CSMD2: variants seen among roughly 807,000 people sequenced by gnomAD.
CSMD2 encodes the protein CUB and sushi domain-containing protein 2.
CSMD2 carries 130 observed loss-of-function variants against 398.5 expected under a neutral mutation model. That is an observed-to-expected ratio of 0.33 (90% CI 0.28 to 0.38). The LOEUF is 0.38. Ranked by LOEUF, CSMD2 falls within the 10% of genes least tolerant of loss-of-function variation. CSMD2 has a pLI of 1.00. For synonymous variants in CSMD2, 1,828 were observed against 1,908.5 expected (o/e 0.96, Z 1.10); for missense variants, 3,829 against 4,764.9 (o/e 0.80, Z 5.78).
chr1:33,768,535 C>CGT (rs1557864391), intron 13 of CSMD2, among the ~76,000 whole-genome samples: 86 of 114,624 alleles, frequency 7.5e-4, no homozygotes, highest in South Asian at 2.6e-3. Context: ...TGTGTGCGTG[C>CGT]ATGTGTGTGT....
chr1:33,618,932 C>T (rs2148864131), intron 37 of CSMD2, among the ~76,000 whole-genome samples: 1 of 152,228 alleles, frequency 6.6e-6, no homozygotes, highest in African/African-American at 2.4e-5. Context: ...GCTCTCCCTG[C>T]CTCCCCTCCT....
At chr1:34,037,720 C>T (rs1313651479) in intron 2 of CSMD2, among the ~76,000 whole-genome samples, 1 of 152,208 alleles carries the variant, frequency 6.6e-6, no homozygotes, top group African/African-American at 2.4e-5. Context: ...AAGCTCAAAC[C>T]TCACCAGGCC....
intron 13 of CSMD2, among the ~76,000 whole-genome samples, chr1:33,760,684 C>G (rs551736635): frequency 6.6e-6 from 1 of 152,204 alleles, no homozygotes; most frequent in East Asian, 1.9e-4. Context: ...GTTGTGAAGA[C>G]TCAACGCAAT....
intron 13 of CSMD2, among the ~76,000 whole-genome samples, chr1:33,753,695 G>A (rs898507011): frequency 4.6e-5 from 7 of 152,260 alleles, no homozygotes; most frequent in Non-Finnish European, 1.5e-5. Flanking sequence ...ACTCATGAGA[G>A]CAGCCACAAG....
chr1:33,905,638 AT>A (rs1228903448), intron 5 of CSMD2, among the ~76,000 whole-genome samples: 1 of 152,104 alleles, frequency 6.6e-6, no homozygotes, highest in Non-Finnish European at 1.5e-5. Context: ...TGCTGTTTTT[AT>A]TTTGATTTTA....
chr1:33,806,810 A>G (rs1386450299), intron 10 of CSMD2, among the ~76,000 whole-genome samples: 1 of 152,174 alleles, frequency 6.6e-6, no homozygotes, highest in Non-Finnish European at 1.5e-5. Context: ...GAGGCTGGAC[A>G]CAGCTGAACA....
chr1:33,872,485 G>C (rs970780718), intron 5 of CSMD2, among the ~76,000 whole-genome samples: 1 of 152,064 alleles, frequency 6.6e-6, no homozygotes, highest in Non-Finnish European at 1.5e-5. Flanking sequence ...AAGAGATTAG[G>C]GTAGGCCTCA....
chr1:34,142,449 G>A (rs1048492234), intron 1 of CSMD2, among the ~76,000 whole-genome samples: 4 of 152,122 alleles, frequency 2.6e-5, no homozygotes, highest in Admixed American at 1.3e-4. Flanking sequence ...CAAGCCCAGC[G>A]GAATTGGCCT....
intron 25 of CSMD2, among the ~76,000 whole-genome samples, chr1:33,680,148 CTTTTTT>C (rs34735969): frequency 2.3e-5 from 2 of 88,536 alleles, no homozygotes; most frequent in Admixed American, 1.3e-4. Flanking sequence ...ATGGCCTCGC[CTTTTTT>C]TTTTTTTTTT....
chr1:33,918,134 C>T lies in CSMD2; in HGVS notation c.880G>A (p.Asp294Asn), dbSNP rs747284617. ...TCTGTCCCAGTGACTTCCAGAAAGT[C>T]GTAACCATCCTCCAGCTGGAAGTCA... The part of the protein sequence containing the change: ...FIDFQLEDGY[D>N]FLEVTGTEGS... The change falls in exon 5 of 71, where the codon GAC becomes AAC. Residue 294 changes from aspartate to asparagine, a missense_variant. By Grantham distance (23) the Asp-to-Asn change is conservative (BLOSUM62 1). Around this residue, in one of 5 missense-constraint regions of CSMD2, gnomAD observed 2,001 missense variants for 2,567.1 expected, o/e 0.78. Coordinates refer to ENST00000373381, the MANE Select transcript of CSMD2 (RefSeq NM_001281956.2). 8.1e-6 allele frequency: 13 copies of T among 1,614,074 alleles called. No individual in the cohort carries two copies. The highest frequency in any genetic ancestry group is 1.0e-5 in the Non-Finnish European group (12 of 1,180,040).
At chr1:33,970,243 G>A (rs1346424405) in intron 3 of CSMD2, among the ~76,000 whole-genome samples, 1 of 152,174 alleles carries the variant, frequency 6.6e-6, no homozygotes, top group Non-Finnish European at 1.5e-5. Context: ...GCTTCAGATG[G>A]TGAAGAAAGG....
intron 13 of CSMD2, among the ~76,000 whole-genome samples, chr1:33,755,272 G>C (rs921609350): frequency 6.6e-6 from 1 of 152,176 alleles, no homozygotes; most frequent in Admixed American, 6.5e-5. Context: ...CTGCTCAGAA[G>C]CTCAGTGTAT....
chr1:33,582,381 T>C (rs1032771765), intron 47 of CSMD2, among the ~76,000 whole-genome samples: 11 of 152,124 alleles, frequency 7.2e-5, no homozygotes, highest in Non-Finnish European at 8.8e-5. Context: ...TATAACTATA[T>C]GAACAAAACA....
chr1:33,624,758 T>C lies in CSMD2; in HGVS notation c.5501-115A>G. 1.5e-6 allele frequency: 2 copies of C among 1,365,960 alleles called. No homozygotes were observed. The highest frequency in any genetic ancestry group is 2.0e-6 in the Non-Finnish European group (2 of 1,008,902). The allele number at this position is 1,365,960 out of a possible 1,614,324, so 84.6% of individuals were successfully genotyped here. On this transcript the variant is annotated intron_variant, in intron 34 of 70. Transcript: ENST00000373381. The surrounding 1 kb of genome is among the most constrained non-coding windows in gnomAD (Gnocchi z 4.7). The stretch of plus-strand genomic sequence containing the variant: ...GTTTGTCCTCCTCCCCATGGGGGTG[T>C]CTCCCTAATGTCCCCAGTCCTGCCT...
chr1:33,707,227 C>A (rs188344273), intron 22 of CSMD2, among the ~76,000 whole-genome samples: 7 of 152,208 alleles, frequency 4.6e-5, no homozygotes, highest in Admixed American at 6.5e-5. Context: ...GTCACTTGCA[C>A]AGAACCACTG....
intron 5 of CSMD2, among the ~76,000 whole-genome samples, chr1:33,848,824 T>TTC (rs983835563): frequency 4.0e-5 from 6 of 151,774 alleles, no homozygotes; most frequent in Non-Finnish European, 8.8e-5. Flanking sequence ...TTTTTTTTTT[T>TTC]TCTCCAGGCC....
At chr1:33,919,121 A>T (rs1643865741) in intron 4 of CSMD2, among the ~76,000 whole-genome samples, 1 of 152,240 alleles carries the variant, frequency 6.6e-6, no homozygotes, top group Non-Finnish European at 1.5e-5. Flanking sequence ...AGGCTGGATG[A>T]GATCGAGCTA....
At position 34,107,898 on chromosome 1, in the gene CSMD2, C is replaced by T. The variant is rs75889351; in HGVS notation, c.188-18705G>A. On this transcript the variant is annotated intron_variant, in intron 1 of 70. Transcript: ENST00000373381. Reference sequence around the variant, plus strand: ...CAGAAGAAAAAGAATCATAATAACTCGGGAAATAGGAGTGAATTGTCAAAA... The same window carrying T: ...CAGAAGAAAAAGAATCATAATAACTTGGGAAATAGGAGTGAATTGTCAAAA... Among the ~76,000 whole-genome samples the T allele has an allele frequency of 5.8e-3, 890 of 152,242 alleles. 4 individuals carry two copies. Among genetic ancestry groups the T allele is most frequent in the Non-Finnish European group, 9.2e-3 (625 of 68,010 alleles).
intron 3 of CSMD2, among the ~76,000 whole-genome samples, chr1:33,965,535 G>C (rs1012714354): frequency 2.0e-5 from 3 of 152,146 alleles, no homozygotes; most frequent in African/African-American, 7.2e-5. Context: ...GATGCTGGGT[G>C]CTATCAGGAA....
Sources: gnomAD v4.1 joint callset for allele counts (sites outside exome capture counted in the v4.1 genomes callset) on GRCh38, gnomAD v4.1.1 for gene constraint, gnomAD v4.1.1 regional missense constraint, Gnocchi (gnomAD v3.1) non-coding constraint, MANE v1.5 for transcripts, NCBI Gene and HGNC (gene_info 2026-07-23, HGNC 2026-07-21) for gene names.